The following LMO7 variants were observed in gnomAD, a reference collection of about 807,000 sequenced individuals.
LMO7 encodes the protein LIM domain only protein 7.
Under a neutral mutation model 206.5 loss-of-function variants are expected in LMO7, and 120 were observed. The ratio of observed to expected loss-of-function variants is 0.58; its 90% CI spans 0.50 to 0.68. The LOEUF (loss-of-function observed/expected upper bound fraction) is 0.68, where lower values mean the gene tolerates loss of function less well. LMO7 is among the 30% of genes least tolerant of loss of function. The probability of loss-of-function intolerance (pLI) is 0.00; values close to 1 mark genes in which losing one functional copy is unlikely to be tolerated. For synonymous variants in LMO7, 706 were observed against 681.5 expected, an observed-to-expected ratio of 1.04 and a Z score of -0.56; for missense variants, 1,959 against 1,957.9, an observed-to-expected ratio of 1.00 and a Z score of -0.01.
Position 75,821,427 on chromosome 13 carries a change from C to A in LMO7, c.2458C>A (p.Gln820Lys), listed in dbSNP as rs376028694. The A allele has an allele frequency of 9.9e-5, 159 of 1,614,206 alleles. No individual in the cohort carries two copies. Among genetic ancestry groups the A allele is most frequent in the Middle Eastern group, 5.0e-4 (3 of 6,060 alleles). ...TCCTTCTCAAAGTCCTGTGGAAGAA[C>A]AAAGCCCAGCCTCTTTGTCTTCTCT... is the stretch of plus-strand genomic sequence containing the variant. ...QLPSQSPVEE[Q>K]SPASLSSLRS... Residue 820 changes from glutamine to lysine, a missense_variant, in exon 14 of 31, where the codon CAA (glutamine) becomes AAA (lysine). By Grantham distance (53) the Gln-to-Lys change is moderately conservative. Transcript: ENST00000377534.
chr13:75,714,724 A>G (rs368899500), intron 2 of LMO7, among the ~76,000 whole-genome samples: 2 of 152,208 alleles, frequency 1.3e-5, no homozygotes, highest in African/African-American at 4.8e-5. Flanking sequence ...TAAGTAGACC[A>G]CATAGCCCAA....
intron 1 of LMO7, chr13:75,689,301 C>T (rs574914313): frequency 1.3e-5 from 2 of 152,294 alleles, no homozygotes; most frequent in South Asian, 4.2e-4. Flanking sequence ...AGTTTTAACT[C>T]CAATCCCATT....
chr13:75,820,897 T>C (rs1372155493), intron 13 of LMO7, among the ~76,000 whole-genome samples: 1 of 151,602 alleles, frequency 6.6e-6, no homozygotes, highest in Non-Finnish European at 1.5e-5. Flanking sequence ...CTCGGGAGGC[T>C]GAGTCAGGAG....
At chr13:75,770,785 T>C (rs1476339184) in intron 4 of LMO7, among the ~76,000 whole-genome samples, 1 of 152,120 alleles carries the variant, frequency 6.6e-6, no homozygotes, top group Admixed American at 6.6e-5. Flanking sequence ...ATAAATTATT[T>C]CTAAACTAAT....
chr13:75,812,954 T>C (rs2056574035), intron 11 of LMO7, among the ~76,000 whole-genome samples: 1 of 152,248 alleles, frequency 6.6e-6, no homozygotes, highest in African/African-American at 2.4e-5. Flanking sequence ...TTCCTGATGC[T>C]ATCTTTGGTA....
At chr13:75,673,788 A>C (rs1418279426) in intron 1 of LMO7, among the ~76,000 whole-genome samples, 1 of 152,240 alleles carries the variant, frequency 6.6e-6, no homozygotes, top group Non-Finnish European at 1.5e-5. Context: ...TATTGAGAAA[A>C]ATCCAGAATT....
Position 75,807,584 on chromosome 13 carries a change from G to T in LMO7, c.1301G>T (p.Arg434Leu). 1.4e-5 allele frequency: 22 copies of T among 1,613,844 alleles called. No individual in the cohort carries two copies. Among genetic ancestry groups the T allele is most frequent in the Non-Finnish European group, 1.9e-5 (22 of 1,179,864 alleles). ...ACTTCTGGCCCAAGGCTCATAACCC[G>T]CAGGAAGAATCTCTCTTATGCACCA... Reference protein sequence around the residue: ...DPTSGPRLITRRKNLSYAPGY... With the variant: ...DPTSGPRLITLRKNLSYAPGY... Residue 434 changes from arginine to leucine, a missense_variant, in exon 10 of 31, where the codon CGC becomes CTC. Coordinates refer to ENST00000377534, the MANE Select transcript of LMO7 (RefSeq NM_001306080.2).
chr13:75,711,931 A>T (rs2043161208), intron 1 of LMO7, among the ~76,000 whole-genome samples: 1 of 152,236 alleles, frequency 6.6e-6, no homozygotes, highest in Non-Finnish European at 1.5e-5. Flanking sequence ...AATGGCAAGT[A>T]TAGGAAGGAT....
chr13:75,653,398 G>T (rs373710331), intron 1 of LMO7, among the ~76,000 whole-genome samples: 1 of 152,288 alleles, frequency 6.6e-6, no homozygotes, highest in East Asian at 1.9e-4. Flanking sequence ...GTTACTAAAG[G>T]AGAATAACAG....
At chr13:75,839,147 A>G (rs925750533) in intron 20 of LMO7, among the ~76,000 whole-genome samples, 2 of 152,184 alleles carry the variant, frequency 1.3e-5, no homozygotes, top group African/African-American at 4.8e-5. Context: ...TTGTGTCAGT[A>G]TCCTTAGTGT....
At chr13:75,805,242 T>C (rs2055288478) in intron 8 of LMO7, 3 of 1,103,682 alleles carry the variant, frequency 2.7e-6, no homozygotes, top group Middle Eastern at 3.1e-4. Flanking sequence ...ATGTGCCTCT[T>C]CCTTTTAACA....
At chr13:75,793,717 C>T (rs1595054777) in intron 4 of LMO7, among the ~76,000 whole-genome samples, 1 of 152,114 alleles carries the variant, frequency 6.6e-6, no homozygotes, top group Non-Finnish European at 1.5e-5. Flanking sequence ...TACAAATGTA[C>T]AACTTAAATA....
rs1417092367 is a variant in LMO7 at position 75,859,430 on chromosome 13, A to T, written c.*1487A>T. The T allele has an allele frequency of 6.6e-6, 1 of 152,142 alleles. No individual in the cohort carries two copies. Among genetic ancestry groups the T allele is most frequent in the Non-Finnish European group, 1.5e-5 (1 of 68,026 alleles). The allele number at this position is 152,142 out of a possible 1,614,324, so 9.4% of individuals were successfully genotyped here. ...ATAAGTATAGATTGTGAATTTTTCC[A>T]TGTTCTTAAAATTATTTTTATCTTT... On this transcript the variant is annotated 3_prime_UTR_variant, in exon 31 of 31. Transcript: ENST00000377534.
At chr13:75,808,904 TG>T (rs1197282075) in intron 10 of LMO7, among the ~76,000 whole-genome samples, 1 of 152,188 alleles carries the variant, frequency 6.6e-6, no homozygotes, top group Non-Finnish European at 1.5e-5. Flanking sequence ...TTCCTGACAA[TG>T]GGAAGCCTTT....
chr13:75,735,948 G>C (rs2045785453), intron 3 of LMO7, among the ~76,000 whole-genome samples: 1 of 151,808 alleles, frequency 6.6e-6, no homozygotes, highest in Non-Finnish European at 1.5e-5. Context: ...TCATTTCTTG[G>C]ATCAATTACA....
intron 1 of LMO7, among the ~76,000 whole-genome samples, chr13:75,706,767 T>C (rs764527573): frequency 1.6e-4 from 25 of 152,156 alleles, no homozygotes; most frequent in Non-Finnish European, 3.1e-4. Flanking sequence ...TTTTAAAATA[T>C]CTAAATAGAT....
At chr13:75,678,927 T>C (rs1000975670) in intron 1 of LMO7, among the ~76,000 whole-genome samples, 1 of 152,204 alleles carries the variant, frequency 6.6e-6, no homozygotes, top group African/African-American at 2.4e-5. Context: ...ATAGCTCTCT[T>C]AGAATTGGAA....
chr13:75,724,863 A>G (rs1233421556), intron 2 of LMO7, among the ~76,000 whole-genome samples: 2 of 152,068 alleles, frequency 1.3e-5, no homozygotes, highest in Non-Finnish European at 2.9e-5. Flanking sequence ...TAGTGACTCA[A>G]TTTTTTAGAG....
intron 14 of LMO7, among the ~76,000 whole-genome samples, chr13:75,822,962 A>G (rs1347440503): frequency 6.6e-6 from 1 of 151,902 alleles, no homozygotes; most frequent in Non-Finnish European, 1.5e-5. Flanking sequence ...AACATTTCAA[A>G]CAACTTTAAA....
Sources: gnomAD v4.1 joint callset for allele counts (sites outside exome capture counted in the v4.1 genomes callset) on GRCh38, gnomAD v4.1.1 for gene constraint, MANE v1.5 for transcripts, NCBI Gene and HGNC (gene_info 2026-07-23, HGNC 2026-07-21) for gene names.